Variants in FYB2 observed in about 807,000 individuals in gnomAD.
The protein encoded by FYB2 is FYN-binding protein 2.
FYB2 carries 103 observed loss-of-function variants against 94.1 expected under a neutral mutation model. The ratio of observed to expected loss-of-function variants is 1.09; its 90% CI spans 0.93 to 1.29. The LOEUF (loss-of-function observed/expected upper bound fraction) is 1.29. FYB2 is among the 50% of genes most tolerant of loss of function. FYB2 has a pLI of 0.00. For missense variants in FYB2, 896 were observed against 841.5 expected (o/e 1.06, Z -0.80); for synonymous variants, 293 against 287.9 (o/e 1.02, Z -0.18).
At chr1:56,723,548 T>C (rs1470986132) in intron 17 of FYB2, 40 bp downstream of exon 17, 3 of 1,202,770 alleles carry the variant, frequency 2.5e-6, no homozygotes, top group Admixed American at 5.0e-5. Flanking sequence ...AGCTCCTAGC[T>C]GTTAATATTG....
upstream of FYB2, chr1:56,819,428 C>A: frequency 8.2e-7 from 1 of 1,219,110 alleles, no homozygotes; most frequent in Non-Finnish European, 1.2e-6. Context: ...GCCCAGGCTC[C>A]CCACCTGCCC....
At chr1:56,747,798 G>C (rs61765485) in intron 9 of FYB2, among the ~76,000 whole-genome samples, 2,484 of 152,058 alleles carry the variant, frequency 0.016, 35 homozygotes, top group Non-Finnish European at 0.025. Flanking sequence ...TGGTATTTCT[G>C]GTTCTAGATC....
At chr1:56,769,200 A>G (rs61765519) in intron 4 of FYB2, among the ~76,000 whole-genome samples, 2,858 of 152,104 alleles carry the variant, frequency 0.019, 39 homozygotes, top group Non-Finnish European at 0.025. Context: ...CACCACACCC[A>G]GATAATTTTT....
At chr1:56,736,508 C>T (rs1243962144) in intron 15 of FYB2, among the ~76,000 whole-genome samples, 1 of 146,800 alleles carries the variant, frequency 6.8e-6, no homozygotes, top group Non-Finnish European at 1.5e-5. Context: ...TCACTACAAC[C>T]TCTGCCTCAA....
At chr1:56,824,131 T>G (rs1339570559), upstream of FYB2, 1 of 152,204 alleles carries the variant, frequency 6.6e-6, no homozygotes, top group Non-Finnish European at 1.5e-5. Flanking sequence ...CTCCACAAAA[T>G]CCGCAGGTCA....
rs75947860 is a variant in FYB2, at chr1:56,775,175, G to C, written c.954-7237C>G. Among the ~76,000 whole-genome samples the C allele has an allele frequency of 5.0e-3, 758 of 152,126 alleles. 4 individuals carry two copies. The highest frequency in any genetic ancestry group is 0.017 in the African/African-American group (698 of 41,508). On this transcript the variant is annotated intron_variant, in intron 4 of 19. Transcript: ENST00000343433. ...CTACCCTATTAGTCCTGTCCTTCTA[G>C]AGAACCCTGACTAATCCACTTACCA...
intron 4 of FYB2, among the ~76,000 whole-genome samples, chr1:56,769,682 TA>T (rs1023228252): frequency 2.0e-4 from 31 of 151,914 alleles, no homozygotes; most frequent in African/African-American, 6.3e-4. Context: ...TTGTAACTAC[TA>T]AAAAAATAGA....
rs186002323 is a variant in FYB2 at position 56,761,434 on chromosome 1, G to A, written c.1064-2684C>T. 2.8e-3 allele frequency among the ~76,000 whole-genome samples: 428 copies of A among 152,160 alleles called. 2 individuals are homozygous for A. Among genetic ancestry groups the A allele is most frequent in the Admixed American group, 4.8e-3 (73 of 15,284 alleles). Reference sequence around the variant, plus strand: ...GGCTTGCAAATTTTCTTCCATCCATGGCTTTATTAATTTAAATGGAATGTT... The same window carrying A: ...GGCTTGCAAATTTTCTTCCATCCATAGCTTTATTAATTTAAATGGAATGTT... On this transcript the variant is annotated intron_variant, in intron 5 of 19. Transcript: ENST00000343433.
At chr1:56,776,780 TACAGACAA>T (rs533101340) in intron 4 of FYB2, among the ~76,000 whole-genome samples, 1 of 152,296 alleles carries the variant, frequency 6.6e-6, no homozygotes, top group East Asian at 1.9e-4. Context: ...TCGACCTTGA[TACAGACAA>T]ACACTGCTAT....
chr1:56,769,597 C>A (rs1645707096), intron 4 of FYB2, among the ~76,000 whole-genome samples: 1 of 152,040 alleles, frequency 6.6e-6, no homozygotes, highest in Non-Finnish European at 1.5e-5. Context: ...ATTCTCAAGT[C>A]TTTGCATTAT....
intron 1 of FYB2, among the ~76,000 whole-genome samples, chr1:56,808,598 T>C (rs912367681): frequency 7.2e-5 from 11 of 152,082 alleles, no homozygotes; most frequent in African/African-American, 9.7e-5. Context: ...CCTTGGGAGG[T>C]TGCCAGCTGT....
upstream of FYB2, among the ~76,000 whole-genome samples, chr1:56,821,975 A>T (rs1301811955): frequency 6.6e-6 from 1 of 152,198 alleles, no homozygotes; most frequent in Non-Finnish European, 1.5e-5. Flanking sequence ...TTCAGTAAAG[A>T]TGTATGAAAT....
intron 4 of FYB2, 95 bp from the exon 5 acceptor site, chr1:56,768,033 G>T: frequency 1.1e-6 from 1 of 926,328 alleles, no homozygotes; most frequent in Non-Finnish European, 1.6e-6. Context: ...TAATATGTGT[G>T]TCTGGCCAAT....
At chr1:56,810,411 C>T (rs972475498) in intron 1 of FYB2, among the ~76,000 whole-genome samples, 6 of 151,796 alleles carry the variant, frequency 4.0e-5, no homozygotes, top group South Asian at 2.1e-4. Context: ...TGTTTCCCAC[C>T]GAGGCAGCTA....
At chr1:56,778,501 CT>C (rs1432877838) in intron 4 of FYB2, among the ~76,000 whole-genome samples, 1 of 152,118 alleles carries the variant, frequency 6.6e-6, no homozygotes, top group Non-Finnish European at 1.5e-5. Flanking sequence ...ACTGGGAACT[CT>C]TTGACAGGTA....
At chr1:56,740,276 C>T (rs566735724) in intron 13 of FYB2, among the ~76,000 whole-genome samples, 1 of 152,152 alleles carries the variant, frequency 6.6e-6, no homozygotes, top group East Asian at 1.9e-4. Flanking sequence ...CCACATATTG[C>T]TGCTCTCAAG....
intron 5 of FYB2, among the ~76,000 whole-genome samples, chr1:56,761,792 C>T (rs965976801): frequency 3.2e-5 from 3 of 95,184 alleles, no homozygotes; most frequent in Admixed American, 2.1e-4. Context: ...CCTTCCCTCT[C>T]TCCTTCCCTT....
intron 5 of FYB2, among the ~76,000 whole-genome samples, chr1:56,765,047 AG>A (rs1645589655): frequency 2.0e-5 from 3 of 152,214 alleles, no homozygotes; most frequent in Admixed American, 2.0e-4. Flanking sequence ...AGCATTTTAG[AG>A]GTAACAAGCA....
chr1:56,765,698 C>T (rs1013786150), intron 5 of FYB2, among the ~76,000 whole-genome samples: 2 of 152,134 alleles, frequency 1.3e-5, no homozygotes, highest in African/African-American at 4.8e-5. Flanking sequence ...TTTTTTACCT[C>T]CAAAACTGAC....
Sources: gnomAD v4.1 joint callset for allele counts (sites outside exome capture counted in the v4.1 genomes callset) on GRCh38, gnomAD v4.1.1 for gene constraint, MANE v1.5 for transcripts, NCBI Gene and HGNC (gene_info 2026-07-23, HGNC 2026-07-21) for gene names.